Variants in PTPRD observed in about 807,000 individuals in gnomAD.
PTPRD encodes the protein receptor-type tyrosine-protein phosphatase delta.
PTPRD carries 34 observed loss-of-function variants against 214.5 expected under a neutral mutation model. The observed-to-expected ratio is 0.16, with a 90% confidence interval of 0.12 to 0.21. PTPRD has a LOEUF of 0.21. Ranked by LOEUF, PTPRD falls within the 10% of genes least tolerant of loss-of-function variation. The pLI is 1.00. For missense variants in PTPRD, 2,545 were observed against 2,398.7 expected, an observed-to-expected ratio of 1.06 and a Z score of -1.27; for synonymous variants, 1,128 against 845.7, an observed-to-expected ratio of 1.33 and a Z score of -5.79.
chr9:10,139,155 C>A (rs2098964114), intron 3 of PTPRD, among the ~76,000 whole-genome samples: 1 of 151,906 alleles, frequency 6.6e-6, no homozygotes, highest in East Asian at 1.9e-4. Context: ...GAAGATTCCC[C>A]CAAAAGGCAC....
intron 3 of PTPRD, among the ~76,000 whole-genome samples, chr9:10,207,200 T>G (rs374083199): frequency 6.6e-6 from 1 of 152,086 alleles, no homozygotes; most frequent in Non-Finnish European, 1.5e-5. Flanking sequence ...AAATTACACA[T>G]CTAATTTTTC....
intron 2 of PTPRD, among the ~76,000 whole-genome samples, chr9:10,569,276 T>C (rs2066671046): frequency 6.6e-6 from 1 of 152,026 alleles, no homozygotes; most frequent in African/African-American, 2.4e-5. Flanking sequence ...TAACAACAGG[T>C]GCATTATTGT....
chr9:9,655,593 ACCAAACCAAACCAAACCAAACCAAG>A (rs1310864046), intron 7 of PTPRD, among the ~76,000 whole-genome samples: 39 of 151,518 alleles, frequency 2.6e-4, no homozygotes, highest in African/African-American at 9.5e-4. Context: ...ACCAAACCAA[ACCAAACCAAACCAAACCAAACCAAG>A]CCAAACCAAA....
chr9:8,538,377 T>A (rs2077460362), intron 14 of PTPRD, among the ~76,000 whole-genome samples: 1 of 151,944 alleles, frequency 6.6e-6, no homozygotes, highest in South Asian at 2.1e-4. Context: ...GACTTGGATT[T>A]GGATCCTGCA....
chr9:8,410,513 G>C (rs935892564), intron 35 of PTPRD, among the ~76,000 whole-genome samples: 4 of 152,078 alleles, frequency 2.6e-5, no homozygotes, highest in African/African-American at 9.7e-5. Context: ...CTCTCTGTAA[G>C]AGCACCTCTG....
intron 12 of PTPRD, among the ~76,000 whole-genome samples, chr9:8,649,915 G>C (rs1178611131): frequency 6.6e-6 from 1 of 151,898 alleles, no homozygotes; most frequent in African/African-American, 2.4e-5. Context: ...TTTTTTTAAT[G>C]TTTTAATTTG....
intron 10 of PTPRD, among the ~76,000 whole-genome samples, chr9:9,177,944 T>G (rs1388893661): frequency 6.6e-6 from 1 of 152,122 alleles, no homozygotes; most frequent in Non-Finnish European, 1.5e-5. Context: ...GGCATCAATT[T>G]GAAACATGAA....
intron 35 of PTPRD, among the ~76,000 whole-genome samples, chr9:8,426,422 C>T (rs906019061): frequency 6.6e-6 from 1 of 152,180 alleles, no homozygotes; most frequent in South Asian, 2.1e-4. Flanking sequence ...CCCAATTTTA[C>T]TTTGAAATAA....
intron 3 of PTPRD, among the ~76,000 whole-genome samples, chr9:10,336,791 T>C (rs1447528562): frequency 1.3e-5 from 2 of 151,610 alleles, no homozygotes; most frequent in Non-Finnish European, 3.0e-5. Flanking sequence ...GGGACTAGGG[T>C]ATTAGACCAG....
In PTPRD at chr9:8,419,657, G is replaced by A. The variant is rs546547472; in HGVS notation, c.4087-14997C>T. ...CTTTGGCATCTCATATTTCTTTCTC[G>A]GGGGGGCATATATTTCATCCAGCTA... On this transcript the variant is annotated intron_variant, in intron 35 of 45. Coordinates refer to ENST00000381196, the MANE Select transcript of PTPRD (RefSeq NM_002839.4). Among the ~76,000 whole-genome samples the A allele has an allele frequency of 1.4e-4, 21 of 151,374 alleles. No homozygotes were observed. The South Asian group carries it at 2.3e-3, about 17-fold the overall frequency.
At chr9:10,163,898 A>T (rs2154291335) in intron 3 of PTPRD, among the ~76,000 whole-genome samples, 1 of 151,590 alleles carries the variant, frequency 6.6e-6, no homozygotes, top group Admixed American at 6.6e-5. Flanking sequence ...TCATAACTTG[A>T]ATAGTCCTTT....
chr9:8,567,973 G>T (rs992877917), intron 14 of PTPRD, among the ~76,000 whole-genome samples: 1 of 152,038 alleles, frequency 6.6e-6, no homozygotes, highest in African/African-American at 2.4e-5. Flanking sequence ...ATTTAGAAAT[G>T]AGACCTTATT....
At chr9:10,314,925 A>C (rs2096381249) in intron 3 of PTPRD, among the ~76,000 whole-genome samples, 1 of 151,898 alleles carries the variant, frequency 6.6e-6, no homozygotes, top group Non-Finnish European at 1.5e-5. Flanking sequence ...CTTGGTCATA[A>C]GTTTCTTCAG....
intron 6 of PTPRD, among the ~76,000 whole-genome samples, chr9:9,756,682 C>T (rs934283493): frequency 6.6e-6 from 1 of 152,154 alleles, no homozygotes; most frequent in African/African-American, 2.4e-5. Flanking sequence ...AATGTACTAA[C>T]TGCCACTGCA....
intron 6 of PTPRD, among the ~76,000 whole-genome samples, chr9:9,737,869 T>C (rs2098327855): frequency 1.3e-5 from 2 of 152,204 alleles, no homozygotes; most frequent in South Asian, 4.1e-4. Flanking sequence ...TTCAGGGTCA[T>C]CTGGTAATTC....
chr9:8,347,547 T>C (rs1451328046), intron 39 of PTPRD, among the ~76,000 whole-genome samples: 2 of 152,158 alleles, frequency 1.3e-5, no homozygotes, highest in Non-Finnish European at 2.9e-5. Flanking sequence ...AGGATGCTGG[T>C]AGAGCACCTT....
At chr9:9,094,099 A>C (rs958052247) in intron 10 of PTPRD, among the ~76,000 whole-genome samples, 1 of 152,186 alleles carries the variant, frequency 6.6e-6, no homozygotes, top group African/African-American at 2.4e-5. Context: ...CAAAGTACCA[A>C]TGCTCACTCA....
intron 11 of PTPRD, among the ~76,000 whole-genome samples, chr9:8,918,027 C>T (rs545923132): frequency 2.0e-5 from 3 of 152,092 alleles, no homozygotes; most frequent in African/African-American, 4.8e-5. Flanking sequence ...GAATCAACAG[C>T]GTCACAACAA....
intron 7 of PTPRD, among the ~76,000 whole-genome samples, chr9:9,617,454 G>A (rs982819951): frequency 6.6e-6 from 1 of 152,234 alleles, no homozygotes; most frequent in African/African-American, 2.4e-5. Flanking sequence ...AATCTTTTAC[G>A]GAAATAAGTA....
Sources: gnomAD v4.1 joint callset for allele counts (sites outside exome capture counted in the v4.1 genomes callset) on GRCh38, gnomAD v4.1.1 for gene constraint, MANE v1.5 for transcripts, NCBI Gene and HGNC (gene_info 2026-07-23, HGNC 2026-07-21) for gene names.